GSR: variants seen among roughly 807,000 people sequenced by gnomAD.
GSR encodes the protein glutathione reductase, mitochondrial.
Under a neutral mutation model 56.5 loss-of-function variants are expected in GSR, and 48 were observed. That is an observed-to-expected ratio of 0.85 (90% CI 0.67 to 1.08). The LOEUF (loss-of-function observed/expected upper bound fraction) is 1.08. Ranked by LOEUF, GSR falls within the 50% of genes least tolerant of loss-of-function variation. The pLI is 0.00. For missense variants in GSR, 694 were observed against 703.3 expected, an observed-to-expected ratio of 0.99 and a Z score of 0.15; for synonymous variants, 264 against 270.8, an observed-to-expected ratio of 0.97 and a Z score of 0.25.
At chr8:30,712,637 G>A (rs1386428271) in intron 1 of GSR, among the ~76,000 whole-genome samples, 1 of 152,102 alleles carries the variant, frequency 6.6e-6, no homozygotes, top group East Asian at 1.9e-4. Flanking sequence ...TCATGATCAT[G>A]CCACTGCACT....
intron 7 of GSR, among the ~76,000 whole-genome samples, chr8:30,694,205 T>C (rs1365318331): frequency 2.0e-5 from 3 of 152,198 alleles, no homozygotes; most frequent in African/African-American, 4.8e-5. Flanking sequence ...TCAGAATCCC[T>C]GTCTCCCTCC....
chr8:30,688,909 C>G (rs1390293612), intron 9 of GSR, among the ~76,000 whole-genome samples: 1 of 151,100 alleles, frequency 6.6e-6, no homozygotes, highest in African/African-American at 2.4e-5. Context: ...GGTGACAGAG[C>G]AAGACCTTTC....
At chr8:30,710,155 A>C (rs889115203) in intron 2 of GSR, among the ~76,000 whole-genome samples, 10 of 151,694 alleles carry the variant, frequency 6.6e-5, no homozygotes, top group Non-Finnish European at 1.5e-5. Context: ...ATCTCTATTA[A>C]AAATACAAAA....
chr8:30,691,654 C>A (rs1462212517), intron 8 of GSR, among the ~76,000 whole-genome samples: 1 of 150,594 alleles, frequency 6.6e-6, no homozygotes, highest in Non-Finnish European at 1.5e-5. Context: ...GCACTCCAGC[C>A]TGAGCAACAG....
At chr8:30,683,816 C>T (rs1803037237) in intron 10 of GSR, among the ~76,000 whole-genome samples, 1 of 151,900 alleles carries the variant, frequency 6.6e-6, no homozygotes, top group Non-Finnish European at 1.5e-5. Flanking sequence ...TCCACTGCCA[C>T]CAAGCACAAG....
Position 30,725,560 on chromosome 8 carries a change from GA to G in GSR, c.306+1969del, listed in dbSNP as rs552511651. Reference sequence around the variant, plus strand: ...GGGTGACAGAGCAAGACTCCATATCGAAAAAAAAATAGATAAATACATTTTA... The same window carrying G: ...GGGTGACAGAGCAAGACTCCATATCGAAAAAAAATAGATAAATACATTTTA... On this transcript the variant is annotated intron_variant, in intron 1 of 12. Coordinates refer to ENST00000221130, the MANE Select transcript of GSR (RefSeq NM_000637.5). Among the ~76,000 whole-genome samples the G allele has an allele frequency of 2.7e-3, 358 of 133,174 alleles. 1 individual carries two copies. The highest frequency in any genetic ancestry group is 4.9e-3 in the Middle Eastern group (1 of 204). The allele number at this position is 133,174 out of a possible 152,430, so 87.4% of individuals were successfully genotyped here.
chr8:30,722,589 A>T (rs2739010), intron 1 of GSR, among the ~76,000 whole-genome samples: 116,380 of 151,714 alleles, frequency 0.77, 49,111 homozygotes, highest in Non-Finnish European at 0.94. Flanking sequence ...CAGCCAGGGC[A>T]TGGTGGTGGC....
chr8:30,696,030 A>C (rs1229004101), intron 7 of GSR, among the ~76,000 whole-genome samples: 1 of 152,054 alleles, frequency 6.6e-6, no homozygotes, highest in Non-Finnish European at 1.5e-5. Context: ...AAAGAGTGAG[A>C]CTCTGTCTCA....
intron 1 of GSR, 96 bp downstream of exon 1, chr8:30,727,434 C>CG: frequency 2.5e-6 from 3 of 1,196,122 alleles, no homozygotes; most frequent in Admixed American, 2.2e-5. Flanking sequence ...AGCCCAGCGC[C>CG]GGGGGACAGG....
chr8:30,684,255 G>T, intron 9 of GSR, 56 bp from the exon 10 acceptor site: 1 of 947,474 alleles, frequency 1.1e-6, no homozygotes, highest in Non-Finnish European at 1.8e-6. Flanking sequence ...AAAAAAGGTA[G>T]ATCAAACCTC....
At position 30,697,273 on chromosome 8, in the gene GSR, G is replaced by C. The variant is rs934414913; in HGVS notation, c.696-794C>G. Among the ~76,000 whole-genome samples the C allele has an allele frequency of 1.3e-4, 20 of 152,090 alleles. No individual in the cohort carries two copies. The Middle Eastern group carries it at 0.01, about 78-fold the overall frequency. ...ACTAAAAATACAAAAAGTTAGCCAG[G>C]TGCAGTGGTGTGTGCCTGTAATCCC... On this transcript the variant is annotated intron_variant, in intron 6 of 12. Coordinates refer to ENST00000221130, the MANE Select transcript of GSR (RefSeq NM_000637.5).
intron 2 of GSR, among the ~76,000 whole-genome samples, chr8:30,711,364 G>A (rs906929156): frequency 2.0e-5 from 3 of 151,918 alleles, no homozygotes; most frequent in African/African-American, 7.3e-5. Flanking sequence ...CTTTGTCAAG[G>A]GTAAAAAAAA....
At chr8:30,711,416 G>GA (rs1271805892) in intron 2 of GSR, among the ~76,000 whole-genome samples, 1 of 152,076 alleles carries the variant, frequency 6.6e-6, no homozygotes, top group Non-Finnish European at 1.5e-5. Flanking sequence ...TATTAACAAC[G>GA]AAAAAATCAC....
intron 1 of GSR, among the ~76,000 whole-genome samples, chr8:30,712,720 A>G (rs1804197545): frequency 6.6e-6 from 1 of 152,210 alleles, no homozygotes; most frequent in African/African-American, 2.4e-5. Context: ...GAACATTGAG[A>G]TACTGGTGAA....
rs1802865164 is a variant in GSR at position 30,679,462 on chromosome 8, T to C, written c.*58A>G. 1 of 1,492,876 alleles carries C rather than the reference T, an allele frequency of 6.7e-7. No individual in the cohort carries two copies. The highest frequency in any genetic ancestry group is 9.3e-7 in the Non-Finnish European group (1 of 1,071,080). The allele number at this position is 1,492,876 out of a possible 1,614,324, so 92.5% of individuals were successfully genotyped here. On this transcript the variant is annotated 3_prime_UTR_variant, in exon 13 of 13. Transcript: ENST00000221130. ...TCAAACAGTAAGTCAATGTGATTATTTGTTTCATTTCAGAAGATCTATGGG... is the reference window on the plus strand; with the variant it reads ...TCAAACAGTAAGTCAATGTGATTATCTGTTTCATTTCAGAAGATCTATGGG...
At chr8:30,716,511 C>T (rs950191958) in intron 1 of GSR, among the ~76,000 whole-genome samples, 2 of 152,266 alleles carry the variant, frequency 1.3e-5, no homozygotes, top group Non-Finnish European at 2.9e-5. Flanking sequence ...TTGGAAGGAA[C>T]GAAAAGCACA....
chr8:30,679,423 GA>G lies in GSR; in HGVS notation c.*96del, dbSNP rs1408855740. On this transcript the variant is annotated 3_prime_UTR_variant, in exon 13 of 13. Coordinates refer to ENST00000221130, the MANE Select transcript of GSR (RefSeq NM_000637.5). ...ATCAGAAGATCCTGATTAAAATAAA[GA>G]AATACATAAAACTCAAACAGTAAGT... 3.3e-6 allele frequency: 4 copies of G among 1,194,526 alleles called. No individual in the cohort carries two copies. In the East Asian group the frequency reaches 9.9e-5, roughly 29 times the overall value. The allele number at this position is 1,194,526 out of a possible 1,614,324, so 74.0% of individuals were successfully genotyped here.
rs543622352 is a variant in GSR at position 30,689,651 on chromosome 8, C to T, written c.883-332G>A. Among the ~76,000 whole-genome samples the T allele has an allele frequency of 4.6e-5, 7 of 151,378 alleles. No homozygotes were observed. The Admixed American group carries it at 4.6e-4, about 10-fold the overall frequency. On this transcript the variant is annotated intron_variant, in intron 8 of 12. Transcript: ENST00000221130. Reference sequence around the variant, plus strand: ...TAACATTTTAAGTGGTAAACCTAAGCATAGTGCTTTGAAAGTAGGCCACGG... The same window carrying T: ...TAACATTTTAAGTGGTAAACCTAAGTATAGTGCTTTGAAAGTAGGCCACGG...
intron 1 of GSR, among the ~76,000 whole-genome samples, chr8:30,712,986 A>G (rs978513835): frequency 6.6e-6 from 1 of 152,248 alleles, no homozygotes; most frequent in Non-Finnish European, 1.5e-5. Context: ...CTTAGTTAAT[A>G]TATAGAAATA....
Sources: allele counts gnomAD v4.1 joint callset (sites outside exome capture counted in the v4.1 genomes callset), GRCh38; gene constraint gnomAD v4.1.1; transcripts MANE v1.5; gene names NCBI Gene and HGNC (gene_info 2026-07-23, HGNC 2026-07-21).